Variants in P4HB observed in about 807,000 individuals in gnomAD.
P4HB encodes protein disulfide-isomerase.
In P4HB, 20 loss-of-function variants were observed where a neutral mutation model predicts 52.6. The observed-to-expected ratio is 0.38, with a 90% CI of 0.27 to 0.55. P4HB has a LOEUF of 0.55. P4HB is among the 20% of genes least tolerant of loss of function. The pLI, the probability that P4HB is intolerant of heterozygous loss-of-function variation, is 0.74. For synonymous variants in P4HB, 296 were observed against 277.9 expected (o/e 1.07, Z -0.65); for missense variants, 601 against 669.2 (o/e 0.90, Z 1.12).
In P4HB at chr17:81,855,598, C is replaced by A; in HGVS notation, c.353-12G>T. 1 of 1,611,128 alleles carries A rather than the reference C, an allele frequency of 6.2e-7. No homozygotes were observed. Among genetic ancestry groups the A allele is most frequent in the African/African-American group, 1.3e-5 (1 of 74,996 alleles). On this transcript the variant is annotated splice_polypyrimidine_tract_variant and intron_variant, in intron 2 of 10. Coordinates refer to ENST00000331483, the MANE Select transcript of P4HB (RefSeq NM_000918.4). The surrounding 1 kb of genome is among the most constrained non-coding windows in gnomAD (Gnocchi z 4.3). ...AGCCTCTCTGCCAGCTAACCCCAAA[C>A]AAATGTAGGTTCTACTCTCAAACAG...
chr17:81,858,109 T>G (rs2038940317), intron 2 of P4HB, among the ~76,000 whole-genome samples: 1 of 151,562 alleles, frequency 6.6e-6, no homozygotes, highest in African/African-American at 2.4e-5. Context: ...CCGTCTCTAC[T>G]AAAAATACAA....
In P4HB at chr17:81,855,709, T is replaced by G. The variant is rs544036963; in HGVS notation, c.353-123A>C. On this transcript the variant is annotated intron_variant, in intron 2 of 10. Transcript: ENST00000331483. This position sits in a 1 kb window ranked among gnomAD's most constrained non-coding sequence, Gnocchi z 4.3. ...GACACCTGAATCAACCTAAGTAAGA[T>G]GTTCTCCCACCATGGAAGAGGCCCG... is the stretch of plus-strand genomic sequence containing the variant. 617 of 1,167,446 alleles carry G rather than the reference T, an allele frequency of 5.3e-4. 4 individuals are homozygous for G. The Middle Eastern group carries it at 0.013, about 25-fold the overall frequency. The allele number at this position is 1,167,446 out of a possible 1,614,324, so 72.3% of individuals were successfully genotyped here.
intron 2 of P4HB, 68 bp downstream of exon 2, chr17:81,859,113 C>T: frequency 1.4e-6 from 2 of 1,449,654 alleles, no homozygotes; most frequent in Non-Finnish European, 9.7e-7. Context: ...GACAGCTGCC[C>T]CTGCCCTTCC....
rs975903645 is a variant in P4HB, at chr17:81,843,721, G to A, written c.*291C>T. The A allele has an allele frequency of 2.1e-6, 1 of 474,964 alleles. No homozygotes were observed. The highest frequency in any genetic ancestry group is 3.7e-6 in the Non-Finnish European group (1 of 269,128). 29.4% of individuals were successfully genotyped at this position (474,964 alleles called of 1,614,324 possible). A position where few individuals can be genotyped will look rare whatever the true frequency, so the allele number is the denominator to read the frequency against. On this transcript the variant is annotated 3_prime_UTR_variant, in exon 11 of 11. Transcript: ENST00000331483. Reference sequence around the variant, plus strand: ...AGGCAGCGAGACTCCGAACACGGTAGCAAGCACTCTGGACAGACTCATGTA... The same window carrying A: ...AGGCAGCGAGACTCCGAACACGGTAACAAGCACTCTGGACAGACTCATGTA...
intron 2 of P4HB, 90 bp downstream of exon 2, chr17:81,859,091 C>G: frequency 8.1e-7 from 1 of 1,229,156 alleles, no homozygotes; most frequent in African/African-American, 1.5e-5. Flanking sequence ...AACCCGGCCT[C>G]CCCACCGCTC....
At chr17:81,848,225 C>T (rs756087633) in intron 4 of P4HB, among the ~76,000 whole-genome samples, 82 of 152,306 alleles carry the variant, frequency 5.4e-4, no homozygotes, top group Non-Finnish European at 5.7e-4. Context: ...CACACTCACA[C>T]TTCTCTGGCC....
rs535023843 is a variant in P4HB, at chr17:81,848,047, G to C, written c.625-700C>G. On this transcript the variant is annotated intron_variant, in intron 4 of 10. Coordinates refer to ENST00000331483, the MANE Select transcript of P4HB (RefSeq NM_000918.4). ...AGCCTCCCAAGTAGCTGGGACTATA[G>C]GCGCCCGCCACCACCGGCTAATTTT... Among the ~76,000 whole-genome samples, 3 of 151,946 alleles carry C rather than the reference G, an allele frequency of 2.0e-5. No individual in the cohort carries two copies. The South Asian group carries it at 6.2e-4, about 32-fold the overall frequency.
chr17:81,844,435 G>A (rs562595834), intron 10 of P4HB, among the ~76,000 whole-genome samples: 3 of 152,250 alleles, frequency 2.0e-5, no homozygotes, highest in African/African-American at 4.8e-5. Context: ...TCCACATCTC[G>A]GCAGGGACAA....
chr17:81,852,373 GC>G (rs1409035848), intron 4 of P4HB, among the ~76,000 whole-genome samples: 1 of 152,196 alleles, frequency 6.6e-6, no homozygotes, highest in Admixed American at 6.5e-5. Flanking sequence ...CAGCCAGGCT[GC>G]CCACTGTGGC....
chr17:81,856,169 C>T (rs1179465433), intron 2 of P4HB, among the ~76,000 whole-genome samples: 1 of 147,688 alleles, frequency 6.8e-6, no homozygotes, highest in Non-Finnish European at 1.5e-5. Flanking sequence ...AATCCCAGCC[C>T]TTTTTTTTTT....
chr17:81,847,152 G>C (rs939364788), intron 5 of P4HB, 80 bp from the exon 6 acceptor site: 95 of 1,601,870 alleles, frequency 5.9e-5, no homozygotes, highest in Non-Finnish European at 8.0e-5. Context: ...TCCAATGTCA[G>C]ACGCTGGACA....
rs1377524967 is a variant in P4HB at position 81,845,713 on chromosome 17, A to G, written c.1207T>C (p.Leu403=). The G allele has an allele frequency of 3.7e-6, 6 of 1,613,720 alleles. No homozygotes were observed. Among genetic ancestry groups the G allele is most frequent in the Non-Finnish European group, 4.2e-6 (5 of 1,179,682 alleles). The change falls in exon 9 of 11, where the codon TTG becomes CTG. Residue 403 remains leucine (L), a synonymous_variant. Coordinates refer to ENST00000331483, the MANE Select transcript of P4HB (RefSeq NM_000918.4). ...CCCAGTTTATCCCAAATGGGAGCCA[A>G]CTGTTTGCAGTGACCACACCATGGG... is the stretch of plus-strand genomic sequence containing the variant. ...YAPWCGHCKQ[L]APIWDKLGET...
chr17:81,855,564 G>T lies in P4HB; in HGVS notation c.375C>A (p.Ile125=), dbSNP rs199731902. 6.2e-7 allele frequency: 1 copy of T among 1,613,902 alleles called. No homozygotes were observed. The highest frequency in any genetic ancestry group is 8.5e-7 in the Non-Finnish European group (1 of 1,179,978). The change falls in exon 3 of 11, where the codon ATC becomes ATA. Residue 125 remains isoleucine, a synonymous_variant. Transcript: ENST00000331483. The surrounding 1 kb of genome is among the most constrained non-coding windows in gnomAD (Gnocchi z 4.3). ...EYTAGREADD[I]VNWLKKRTGP... ...CCGTGCGCTTCTTCAGCCAGTTCAC[G>T]ATGTCATCAGCCTCTCTGCCAGCTA...
At position 81,843,716 on chromosome 17, in the gene P4HB, C is replaced by T. The variant is rs199988706; in HGVS notation, c.*296G>A. On this transcript the variant is annotated 3_prime_UTR_variant, in exon 11 of 11. Transcript: ENST00000331483. The stretch of plus-strand genomic sequence containing the variant: ...GAGGGAGGCAGCGAGACTCCGAACA[C>T]GGTAGCAAGCACTCTGGACAGACTC... 1.3e-5 allele frequency: 6 copies of T among 456,084 alleles called. No individual in the cohort carries two copies. The highest frequency in any genetic ancestry group is 7.7e-5 in the Admixed American group (2 of 25,950). 28.3% of individuals were successfully genotyped at this position (456,084 alleles called of 1,614,324 possible). A position where few individuals can be genotyped will look rare whatever the true frequency, so the allele number is the denominator to read the frequency against.
At chr17:81,845,467 GC>G (rs1405121760) in intron 9 of P4HB, 93 bp downstream of exon 9, 2 of 1,266,774 alleles carry the variant, frequency 1.6e-6, no homozygotes, top group Non-Finnish European at 1.1e-6. Context: ...CACCTGACTA[GC>G]CCCAGGCTCC....
intron 2 of P4HB, 73 bp downstream of exon 2, chr17:81,859,108 C>G: frequency 7.1e-7 from 1 of 1,407,668 alleles, no homozygotes; most frequent in African/African-American, 1.4e-5. Flanking sequence ...GCTCAGACAG[C>G]TGCCCCTGCC....
In P4HB at chr17:81,846,523, T is replaced by G. The variant is rs2038738258; in HGVS notation, c.962A>C (p.Glu321Ala). ...GGGCTTGTACTTGGTCATCTCCTCC[T>G]CCAGGGTGATGAGGCGCACGGCCGG... Reference protein sequence around the residue: ...ECPAVRLITLEEEMTKYKPES... With the variant: ...ECPAVRLITLAEEMTKYKPES... Residue 321 changes from glutamate (E) to alanine (A), a missense_variant, in exon 7 of 11, where the codon GAG becomes GCG. Transcript: ENST00000331483. This position sits in a 1 kb window ranked among gnomAD's most constrained non-coding sequence, Gnocchi z 5.7. The G allele has an allele frequency of 6.2e-7, 1 of 1,613,744 alleles. No individual in the cohort carries two copies. Among genetic ancestry groups the G allele is most frequent in the East Asian group, 2.2e-5 (1 of 44,890 alleles).
At chr17:81,844,931 AAAG>A (rs1261016078) in intron 10 of P4HB, among the ~76,000 whole-genome samples, 6 of 152,242 alleles carry the variant, frequency 3.9e-5, no homozygotes, top group Non-Finnish European at 1.5e-5. Context: ...GTCGTCCCCT[AAAG>A]AAGTGCTGGC....
At chr17:81,850,051 C>T (rs2143334120) in intron 4 of P4HB, among the ~76,000 whole-genome samples, 1 of 150,948 alleles carries the variant, frequency 6.6e-6, no homozygotes, top group South Asian at 2.1e-4. Context: ...TGGTCTTGAA[C>T]TCCTGACCCC....
Sources: gnomAD v4.1 joint callset for allele counts (sites outside exome capture counted in the v4.1 genomes callset) on GRCh38, gnomAD v4.1.1 for gene constraint, Gnocchi (gnomAD v3.1) non-coding constraint, MANE v1.5 for transcripts, NCBI Gene and HGNC (gene_info 2026-07-23, HGNC 2026-07-21) for gene names.